The following NCAM1 variants were observed in gnomAD, a reference collection of about 807,000 sequenced individuals.
The protein encoded by NCAM1 is neural cell adhesion molecule 1.
NCAM1 carries 14 observed loss-of-function variants against 109.8 expected under a neutral mutation model. That is an observed-to-expected ratio of 0.13 (90% CI 0.08 to 0.20). The LOEUF (loss-of-function observed/expected upper bound fraction) is 0.20, where lower values mean the gene tolerates loss of function less well. Among genes scored for constraint, NCAM1 ranks in the 10% least tolerant of loss-of-function variants. NCAM1 has a pLI of 1.00. For missense variants in NCAM1, 774 were observed against 1,109.9 expected, an observed-to-expected ratio of 0.70 and a Z score of 4.30; for synonymous variants, 418 against 442.9, an observed-to-expected ratio of 0.94 and a Z score of 0.70.
chr11:113,009,116 A>G lies in NCAM1; in HGVS notation c.52+47452A>G, dbSNP rs138741073. Among the ~76,000 whole-genome samples, 515 of 152,278 alleles carry G rather than the reference A, an allele frequency of 3.4e-3. 1 individual carries two copies. The highest frequency in any genetic ancestry group is 0.011 in the African/African-American group (473 of 41,542). ...TGAACTCAGTTTCTGACGGAAACTC[A>G]TAGACATTATGTTTGGCACACAGTC... On this transcript the variant is annotated intron_variant, in intron 1 of 19. Transcript: ENST00000316851.
intron 1 of NCAM1, among the ~76,000 whole-genome samples, chr11:113,149,596 A>G (rs1053520190): frequency 3.3e-5 from 5 of 152,190 alleles, no homozygotes; most frequent in Non-Finnish European, 5.9e-5. Flanking sequence ...CACAATTTCT[A>G]TTTCCCTCTC....
chr11:113,229,496 T>G (rs1488102279), intron 9 of NCAM1, among the ~76,000 whole-genome samples: 18 of 152,192 alleles, frequency 1.2e-4, no homozygotes, highest in African/African-American at 4.3e-4. Flanking sequence ...GACTGTAAAC[T>G]AGTTCAACCA....
chr11:113,215,635 G>T (rs554701269), intron 8 of NCAM1, among the ~76,000 whole-genome samples: 2 of 152,200 alleles, frequency 1.3e-5, no homozygotes, highest in African/African-American at 2.4e-5. Flanking sequence ...AACAGAAATT[G>T]CTCTTCCAAA....
At chr11:113,026,256 G>A (rs1320988570) in intron 1 of NCAM1, among the ~76,000 whole-genome samples, 1 of 152,216 alleles carries the variant, frequency 6.6e-6, no homozygotes, top group African/African-American at 2.4e-5. Context: ...CCCAACTAAT[G>A]GGGACTGTGA....
intron 1 of NCAM1, among the ~76,000 whole-genome samples, chr11:113,047,822 G>A (rs1048718285): frequency 1.3e-4 from 20 of 152,082 alleles, no homozygotes; most frequent in African/African-American, 4.3e-4. Flanking sequence ...CTTGTGAGAC[G>A]TATTCACTAT....
intron 1 of NCAM1, among the ~76,000 whole-genome samples, chr11:113,100,736 T>G (rs909885672): frequency 6.6e-6 from 1 of 151,192 alleles, no homozygotes; most frequent in African/African-American, 2.4e-5. Flanking sequence ...TGTGGGGGGG[T>G]GGGTGGCACG....
chr11:113,001,513 G>A (rs1301884941), intron 1 of NCAM1, among the ~76,000 whole-genome samples: 1 of 152,172 alleles, frequency 6.6e-6, no homozygotes, highest in Non-Finnish European at 1.5e-5. Flanking sequence ...TCATTTTCTA[G>A]ATGGAGACAA....
intron 1 of NCAM1, among the ~76,000 whole-genome samples, chr11:113,028,912 C>A (rs903650149): frequency 1.3e-4 from 20 of 152,052 alleles, no homozygotes; most frequent in Non-Finnish European, 2.2e-4. Context: ...AAAATAATAC[C>A]TCTTAAGTAG....
chr11:113,045,953 A>G (rs1443175776), intron 1 of NCAM1, among the ~76,000 whole-genome samples: 2 of 152,154 alleles, frequency 1.3e-5, no homozygotes, highest in Non-Finnish European at 2.9e-5. Flanking sequence ...AGATGAATAG[A>G]GCCACAAAGC....
intron 1 of NCAM1, among the ~76,000 whole-genome samples, chr11:113,018,176 T>A (rs1555075594): frequency 1.8e-5 from 1 of 54,156 alleles, no homozygotes; most frequent in African/African-American, 4.6e-5. Flanking sequence ...GAAGTTTTAA[T>A]TGTGGTAAAA....
chr11:113,255,837 T>G (rs1945817910), intron 15 of NCAM1, 40 bp from the exon 16 acceptor site: 1 of 1,607,686 alleles, frequency 6.2e-7, no homozygotes, highest in South Asian at 1.1e-5. Flanking sequence ...ATTTTCATTC[T>G]GTGGATGAGA....
intron 1 of NCAM1, among the ~76,000 whole-genome samples, chr11:113,202,066 G>A (rs570829873): frequency 2.0e-5 from 3 of 152,178 alleles, no homozygotes. Context: ...CAAGGGGTTG[G>A]AAACATTTAG....
chr11:113,277,380 C>T lies in NCAM1; in HGVS notation c.*1993C>T. On this transcript the variant is annotated 3_prime_UTR_variant, in exon 20 of 20. Coordinates refer to ENST00000316851, the MANE Select transcript of NCAM1 (RefSeq NM_181351.5). Reference sequence around the variant, plus strand: ...GGGATGGAAATGGAGGATCCCAGAACACACAGCCCTGGCCCCTTTGATTCT... The same window carrying T: ...GGGATGGAAATGGAGGATCCCAGAATACACAGCCCTGGCCCCTTTGATTCT... 1 of 399,182 alleles carries T rather than the reference C, an allele frequency of 2.5e-6. No homozygotes were observed. 24.7% of individuals were successfully genotyped at this position (399,182 alleles called of 1,614,324 possible).
At chr11:113,099,130 A>C (rs1264554378) in intron 1 of NCAM1, among the ~76,000 whole-genome samples, 6 of 152,202 alleles carry the variant, frequency 3.9e-5, no homozygotes, top group Non-Finnish European at 5.9e-5. Flanking sequence ...GCTGAGGCAC[A>C]GAGATGTTCA....
chr11:113,233,962 A>T lies in NCAM1; in HGVS notation c.1693+645A>T, dbSNP rs1390260389. 6.6e-6 allele frequency among the ~76,000 whole-genome samples: 1 copy of T among 152,198 alleles called. No individual in the cohort carries two copies. The highest frequency in any genetic ancestry group is 1.5e-5 in the Non-Finnish European group (1 of 68,034). On this transcript the variant is annotated intron_variant, in intron 13 of 19. Transcript: ENST00000316851. This position sits in a 1 kb window ranked among gnomAD's most constrained non-coding sequence, Gnocchi z 4.5. ...TGAAGTATGTTTTGTTTCTGTACAAATTTTTAATCCTGGTCTCGTATGTGG... is the reference window on the plus strand; with the variant it reads ...TGAAGTATGTTTTGTTTCTGTACAATTTTTTAATCCTGGTCTCGTATGTGG...
At chr11:113,237,957 G>T (rs182497572) in intron 14 of NCAM1, among the ~76,000 whole-genome samples, 1 of 140,040 alleles carries the variant, frequency 7.1e-6, no homozygotes, top group Non-Finnish European at 1.5e-5. Context: ...TAGATATATA[G>T]ATAGATAGAT....
chr11:113,189,504 C>G (rs1943613154), intron 1 of NCAM1, among the ~76,000 whole-genome samples: 1 of 151,320 alleles, frequency 6.6e-6, no homozygotes, highest in African/African-American at 2.4e-5. Context: ...GAAATTCTTC[C>G]TAGAAGGAGA....
At chr11:112,990,918 T>G (rs1328080611) in intron 1 of NCAM1, among the ~76,000 whole-genome samples, 1 of 152,336 alleles carries the variant, frequency 6.6e-6, no homozygotes, top group Non-Finnish European at 1.5e-5. Context: ...GATTTATCAA[T>G]TTATCACAAT....
intron 1 of NCAM1, among the ~76,000 whole-genome samples, chr11:113,068,123 G>A (rs1938063719): frequency 6.6e-6 from 1 of 152,102 alleles, no homozygotes. Flanking sequence ...GTGTTAGCCA[G>A]GATGGTCCCG....
Sources: gnomAD v4.1 joint callset for allele counts (sites outside exome capture counted in the v4.1 genomes callset) on GRCh38, gnomAD v4.1.1 for gene constraint, Gnocchi (gnomAD v3.1) non-coding constraint, MANE v1.5 for transcripts, NCBI Gene and HGNC (gene_info 2026-07-23, HGNC 2026-07-21) for gene names.